The following MIPOL1 variants were observed in gnomAD, a reference collection of about 807,000 sequenced individuals.
The protein encoded by MIPOL1 is mirror-image polydactyly gene 1 protein.
MIPOL1 carries 57 observed loss-of-function variants against 60.9 expected under a neutral mutation model. The ratio of observed to expected loss-of-function variants is 0.94; its 90% CI spans 0.76 to 1.17. The LOEUF is 1.17. Ranked by LOEUF, MIPOL1 falls within the 50% of genes most tolerant of loss-of-function variation. The pLI is 0.00. For synonymous variants in MIPOL1, 179 were observed against 168.8 expected (o/e 1.06, Z -0.47); for missense variants, 551 against 511.6 (o/e 1.08, Z -0.74).
intron 11 of MIPOL1, among the ~76,000 whole-genome samples, chr14:37,439,453 C>G (rs943181322): frequency 6.6e-6 from 1 of 152,010 alleles, no homozygotes; most frequent in Non-Finnish European, 1.5e-5. Context: ...CCTGGAGAGC[C>G]TTGGGAATAT....
chr14:37,359,123 T>A (rs2092052366), intron 9 of MIPOL1, among the ~76,000 whole-genome samples: 1 of 152,220 alleles, frequency 6.6e-6, no homozygotes, highest in Non-Finnish European at 1.5e-5. Flanking sequence ...TTGTCAGGTT[T>A]GTCGAAGACC....
At chr14:37,471,749 A>G (rs762109251) in intron 11 of MIPOL1, among the ~76,000 whole-genome samples, 4 of 151,960 alleles carry the variant, frequency 2.6e-5, no homozygotes. Context: ...TTCTCTTACC[A>G]TAGGCCTTTG....
intron 1 of MIPOL1, among the ~76,000 whole-genome samples, chr14:37,203,096 A>G (rs1048472954): frequency 6.6e-6 from 1 of 152,286 alleles, no homozygotes; most frequent in Middle Eastern, 3.4e-3. Flanking sequence ...AGATTAATCA[A>G]TTGTAGCTGC....
chr14:37,335,032 G>A (rs983621271), intron 9 of MIPOL1, among the ~76,000 whole-genome samples: 5 of 151,892 alleles, frequency 3.3e-5, no homozygotes, highest in African/African-American at 1.2e-4. Flanking sequence ...TATATACTTT[G>A]AAGTGGAATT....
At position 37,337,423 on chromosome 14, in the gene MIPOL1, C is replaced by T. The variant is rs182417707; in HGVS notation, c.828+28904C>T. On this transcript the variant is annotated intron_variant, in intron 9 of 12. Coordinates refer to ENST00000684589, the MANE Select transcript of MIPOL1 (RefSeq NM_001388067.1). ...TCGCAATGTCACCAGGGCTGGTGTG[C>T]AGTGGTGCAATCTTGGCTCACTGCA... 3.1e-3 allele frequency among the ~76,000 whole-genome samples: 356 copies of T among 113,306 alleles called. 1 individual carries two copies. The highest frequency in any genetic ancestry group is 4.3e-3 in the Non-Finnish European group (262 of 61,496). The allele number at this position is 113,306 out of a possible 152,430, so 74.3% of individuals were successfully genotyped here. A position where few individuals can be genotyped will look rare whatever the true frequency, so the allele number is the denominator to read the frequency against.
chr14:37,529,522 A>ATATG (rs886562737), intron 12 of MIPOL1, among the ~76,000 whole-genome samples: 1 of 152,106 alleles, frequency 6.6e-6, no homozygotes, highest in African/African-American at 2.4e-5. Context: ...TAATTTGTGT[A>ATATG]TATGTATGTA....
chr14:37,348,333 A>C (rs2091093030), intron 9 of MIPOL1, among the ~76,000 whole-genome samples: 1 of 152,216 alleles, frequency 6.6e-6, no homozygotes, highest in Non-Finnish European at 1.5e-5. Context: ...AAGGATTTCT[A>C]CTGATTATTC....
chr14:37,393,977 CACTT>C (rs2093313324), intron 10 of MIPOL1, among the ~76,000 whole-genome samples: 1 of 147,720 alleles, frequency 6.8e-6, no homozygotes, highest in Non-Finnish European at 1.5e-5. Flanking sequence ...TGAGTTACTT[CACTT>C]AGAATAATAG....
At chr14:37,368,368 GTGAAATATTGATA>G (rs1277542794) in intron 9 of MIPOL1, among the ~76,000 whole-genome samples, 21 of 152,126 alleles carry the variant, frequency 1.4e-4, no homozygotes, top group Non-Finnish European at 2.8e-4. Context: ...ACTCAAAGTT[GTGAAATATTGATA>G]CGTACTGCCT....
intron 12 of MIPOL1, among the ~76,000 whole-genome samples, chr14:37,543,166 C>T (rs2095536049): frequency 6.6e-6 from 1 of 152,188 alleles, no homozygotes; most frequent in South Asian, 2.1e-4. Flanking sequence ...CTTTGGATCC[C>T]ATATCCTAAA....
chr14:37,291,491 TTTCTCTTTTCACTTTATTGTGTTAGCCCC>T (rs2085051948), intron 7 of MIPOL1, among the ~76,000 whole-genome samples: 1 of 152,226 alleles, frequency 6.6e-6, no homozygotes, highest in South Asian at 2.1e-4. Flanking sequence ...AAGTTTTATA[TTTCTCTTTTCACTTTATTGTGTTAGCCCC>T]TTCTCTTTTA....
At chr14:37,203,538 G>A (rs1965626627) in intron 1 of MIPOL1, among the ~76,000 whole-genome samples, 1 of 152,114 alleles carries the variant, frequency 6.6e-6, no homozygotes, top group African/African-American at 2.4e-5. Context: ...TTCCTCTTGA[G>A]GGTGAACTAG....
chr14:37,380,809 A>G (rs2092904695), intron 10 of MIPOL1, among the ~76,000 whole-genome samples: 2 of 152,154 alleles, frequency 1.3e-5, no homozygotes, highest in Admixed American at 6.6e-5. Flanking sequence ...TACATTTTGT[A>G]ATATGCCACA....
In MIPOL1 at chr14:37,252,954, A is replaced by G. The variant is rs140197899; in HGVS notation, c.19+5047A>G. Among the ~76,000 whole-genome samples the G allele has an allele frequency of 5.9e-4, 89 of 151,946 alleles. No homozygotes were observed. The Middle Eastern group carries it at 0.017, about 29-fold the overall frequency. ...ATGGACATTCATTGCTACCAGCAAGATAAGCTGGTAGAAAAAAAGCTATTT... is the reference window on the plus strand; with the variant it reads ...ATGGACATTCATTGCTACCAGCAAGGTAAGCTGGTAGAAAAAAAGCTATTT... On this transcript the variant is annotated intron_variant, in intron 3 of 12. Transcript: ENST00000684589.
At chr14:37,268,453 G>A (rs1950886) in intron 4 of MIPOL1, among the ~76,000 whole-genome samples, 81,112 of 151,966 alleles carry the variant, frequency 0.53, 24,277 homozygotes, top group Non-Finnish European at 0.66. Context: ...TGTCCCAGCC[G>A]TCACTAAATT....
intron 1 of MIPOL1, among the ~76,000 whole-genome samples, chr14:37,245,517 TA>T (rs1183723588): frequency 6.6e-6 from 1 of 152,176 alleles, no homozygotes; most frequent in Non-Finnish European, 1.5e-5. Flanking sequence ...CAGGACTTTT[TA>T]ATATTTTGAT....
chr14:37,394,860 T>A (rs1330355646), intron 10 of MIPOL1, among the ~76,000 whole-genome samples: 1 of 152,162 alleles, frequency 6.6e-6, no homozygotes, highest in Non-Finnish European at 1.5e-5. Flanking sequence ...CTATAAGGGT[T>A]TTTCTGATGT....
intron 5 of MIPOL1, among the ~76,000 whole-genome samples, 183 bp downstream of exon 5, chr14:37,268,976 T>C (rs991015193): frequency 3.9e-5 from 6 of 152,108 alleles, no homozygotes; most frequent in Non-Finnish European, 5.9e-5. Flanking sequence ...AATGAAAGCA[T>C]TTTTTTGATT....
chr14:37,418,056 T>A (rs1041129950), intron 10 of MIPOL1, among the ~76,000 whole-genome samples: 2 of 152,214 alleles, frequency 1.3e-5, no homozygotes, highest in Admixed American at 1.3e-4. Flanking sequence ...TTGTACTGTA[T>A]GCTTCTTTAT....
Sources: gnomAD v4.1 joint callset for allele counts (sites outside exome capture counted in the v4.1 genomes callset) on GRCh38, gnomAD v4.1.1 for gene constraint, MANE v1.5 for transcripts, NCBI Gene and HGNC (gene_info 2026-07-23, HGNC 2026-07-21) for gene names.